PNPLA8: variants seen among roughly 807,000 people sequenced by gnomAD.
The protein encoded by PNPLA8 is patatin like domain 8, phospholipase A2, also known as calcium-independent phospholipase A2-gamma.
PNPLA8 carries 39 observed loss-of-function variants against 76.9 expected under a neutral mutation model. The ratio of observed to expected loss-of-function variants is 0.51; its 90% CI spans 0.39 to 0.66. PNPLA8 has a LOEUF of 0.66. Ranked by LOEUF, PNPLA8 falls within the 30% of genes least tolerant of loss-of-function variation. PNPLA8 has a pLI of 0.00. For missense variants in PNPLA8, 887 were observed against 918.0 expected (o/e 0.97, Z 0.44); for synonymous variants, 301 against 307.9 (o/e 0.98, Z 0.24).
intron 4 of PNPLA8, chr7:108,510,248 G>T (rs1862809205): frequency 1.3e-6 from 2 of 1,506,684 alleles, no homozygotes; most frequent in Non-Finnish European, 1.8e-6. Flanking sequence ...GGGTGTAGAA[G>T]AGAAGAAGAA....
chr7:108,517,220 T>A (rs936664583), intron 2 of PNPLA8, among the ~76,000 whole-genome samples: 4 of 152,178 alleles, frequency 2.6e-5, no homozygotes, highest in African/African-American at 9.7e-5. Flanking sequence ...ACTACATATC[T>A]ATTAGAATGG....
chr7:108,474,993 C>T (rs1477538831), intron 10 of PNPLA8, among the ~76,000 whole-genome samples: 2 of 152,158 alleles, frequency 1.3e-5, no homozygotes, highest in African/African-American at 4.8e-5. Flanking sequence ...TATACAGCCA[C>T]TCTCCATCGC....
intron 4 of PNPLA8, among the ~76,000 whole-genome samples, chr7:108,503,062 G>C (rs558832385): frequency 2.6e-4 from 40 of 152,170 alleles, no homozygotes; most frequent in Non-Finnish European, 5.4e-4. Context: ...GAACCATCTT[G>C]TATACATTGC....
intron 4 of PNPLA8, chr7:108,510,649 T>C (rs1353152669): frequency 1.9e-6 from 3 of 1,584,374 alleles, no homozygotes; most frequent in Non-Finnish European, 2.6e-6. Flanking sequence ...AGCCATATAT[T>C]GCATGGGGGT....
chr7:108,493,568 C>CAT (rs1554681577), intron 7 of PNPLA8, among the ~76,000 whole-genome samples: 1,006 of 81,258 alleles, frequency 0.012, 16 homozygotes, highest in African/African-American at 0.044. Context: ...CCATGCCTGG[C>CAT]TTTTTTTTTT....
intron 4 of PNPLA8, 71 bp downstream of exon 4, chr7:108,514,073 C>T (rs1248457874): frequency 1.1e-5 from 12 of 1,046,520 alleles, no homozygotes; most frequent in Non-Finnish European, 1.7e-5. Flanking sequence ...AAGGCTTTGC[C>T]TTCTCCATTT....
At chr7:108,507,081 G>A (rs1481257701) in intron 4 of PNPLA8, among the ~76,000 whole-genome samples, 1 of 152,012 alleles carries the variant, frequency 6.6e-6, no homozygotes, top group African/African-American at 2.4e-5. Flanking sequence ...GGTGGCTCAC[G>A]CCTGTAATCC....
chr7:108,479,989 A>G (rs1860282395), intron 9 of PNPLA8, among the ~76,000 whole-genome samples: 1 of 152,232 alleles, frequency 6.6e-6, no homozygotes, highest in Non-Finnish European at 1.5e-5. Context: ...AAAAGTAGAT[A>G]AAATTATGGT....
intron 7 of PNPLA8, 33 bp from the exon 8 acceptor site, chr7:108,491,500 A>G (rs936197353): frequency 4.5e-6 from 6 of 1,340,402 alleles, no homozygotes; most frequent in Admixed American, 1.7e-5. Flanking sequence ...AAGTTATATC[A>G]AAATGACTTT....
At chr7:108,483,004 C>A (rs1219033775) in intron 9 of PNPLA8, among the ~76,000 whole-genome samples, 3 of 152,188 alleles carry the variant, frequency 2.0e-5, no homozygotes, top group African/African-American at 7.2e-5. Context: ...TTCATCTTTT[C>A]ACAAATTTAT....
chr7:108,505,810 G>C (rs1598935018), intron 4 of PNPLA8, among the ~76,000 whole-genome samples: 2 of 152,242 alleles, frequency 1.3e-5, no homozygotes, highest in Middle Eastern at 6.8e-3. Flanking sequence ...CCACGGAATA[G>C]GAGAACGATT....
intron 1 of PNPLA8, among the ~76,000 whole-genome samples, chr7:108,523,172 G>A (rs982825239): frequency 6.6e-6 from 1 of 152,198 alleles, no homozygotes; most frequent in Non-Finnish European, 1.5e-5. Flanking sequence ...AGGGAATGGA[G>A]TTTTAACTAG....
intron 4 of PNPLA8, among the ~76,000 whole-genome samples, chr7:108,505,666 T>C (rs1862368445): frequency 1.3e-5 from 2 of 151,870 alleles, no homozygotes; most frequent in African/African-American, 4.8e-5. Context: ...TGGCCAAAAA[T>C]ACTTTTATGA....
Position 108,472,078 on chromosome 7 carries a change from C to A in PNPLA8, c.*323G>T. 5.7e-6 allele frequency: 1 copy of A among 175,452 alleles called. No homozygotes were observed. Among genetic ancestry groups the A allele is most frequent in the Non-Finnish European group, 1.2e-5 (1 of 84,004 alleles). 10.9% of individuals were successfully genotyped at this position (175,452 alleles called of 1,614,324 possible). A position where few individuals can be genotyped will look rare whatever the true frequency, so the allele number is the denominator to read the frequency against. The stretch of plus-strand genomic sequence containing the variant: ...AAAATACACAGTACAATATAGCTTT[C>A]GGTTTCTTGTTCGGCACATATATTA... On this transcript the variant is annotated 3_prime_UTR_variant, in exon 11 of 11. Coordinates refer to ENST00000257694, the MANE Select transcript of PNPLA8 (RefSeq NM_001256007.3).
chr7:108,489,728 A>T (rs1861003750), intron 8 of PNPLA8, among the ~76,000 whole-genome samples: 1 of 152,228 alleles, frequency 6.6e-6, no homozygotes, highest in South Asian at 2.1e-4. Context: ...GTTAAGAGCA[A>T]CAGAAAGAGC....
intron 2 of PNPLA8, among the ~76,000 whole-genome samples, chr7:108,518,720 AATATATAT>A (rs148834592): frequency 0.068 from 8,475 of 123,852 alleles, 339 homozygotes; most frequent in South Asian, 0.092. Flanking sequence ...TATGCACATG[AATATATAT>A]ATATATATAT....
At chr7:108,526,229 G>C (rs1172096132), upstream of PNPLA8, 5 of 330,086 alleles carry the variant, frequency 1.5e-5, no homozygotes, top group African/African-American at 2.2e-5. Context: ...CCGCGGGCCG[G>C]GGTGAGGATT....
Position 108,496,143 on chromosome 7 carries a change from G to A in PNPLA8, c.1625+441C>T, listed in dbSNP as rs1405656622. Among the ~76,000 whole-genome samples the A allele has an allele frequency of 2.6e-5, 4 of 152,284 alleles. No homozygotes were observed. The East Asian group carries it at 7.7e-4, about 29-fold the overall frequency. On this transcript the variant is annotated intron_variant, in intron 7 of 10. Transcript: ENST00000257694. Reference sequence around the variant, plus strand: ...CCAGCTACTTGGGAGGCTGACGTGGGAGGATCACTTGAGCCTGGGAAGTTG... The same window carrying A: ...CCAGCTACTTGGGAGGCTGACGTGGAAGGATCACTTGAGCCTGGGAAGTTG...
chr7:108,483,867 T>C (rs1860566231), intron 9 of PNPLA8, among the ~76,000 whole-genome samples: 1 of 152,200 alleles, frequency 6.6e-6, no homozygotes, highest in Non-Finnish European at 1.5e-5. Flanking sequence ...AATTAACAGA[T>C]CATTAGAATG....
Sources: gnomAD v4.1 joint callset for allele counts (sites outside exome capture counted in the v4.1 genomes callset) on GRCh38, gnomAD v4.1.1 for gene constraint, MANE v1.5 for transcripts, NCBI Gene and HGNC (gene_info 2026-07-23, HGNC 2026-07-21) for gene names.